The following GLO1 variants were observed in gnomAD, a reference collection of about 807,000 sequenced individuals.
The protein encoded by GLO1 is lactoylglutathione lyase.
GLO1 carries 28 observed loss-of-function variants against 26.0 expected under a neutral mutation model. The ratio of observed to expected loss-of-function variants is 1.08; its 90% confidence interval spans 0.80 to 1.48. The LOEUF (loss-of-function observed/expected upper bound fraction) is 1.48. Ranked by LOEUF, GLO1 falls within the 40% of genes most tolerant of loss-of-function variation. GLO1 has a pLI of 0.00. For synonymous variants in GLO1, 78 were observed against 77.6 expected, an observed-to-expected ratio of 1.00 and a Z score of -0.03; for missense variants, 225 against 224.8, an observed-to-expected ratio of 1.00 and a Z score of -0.01.
At chr6:38,691,142 G>A (rs1390388409) in intron 1 of GLO1, among the ~76,000 whole-genome samples, 1 of 152,014 alleles carries the variant, frequency 6.6e-6, no homozygotes, top group African/African-American at 2.4e-5. Context: ...ATAAAAATAA[G>A]GTGTCTTTTA....
chr6:38,691,400 C>T (rs1292288566), intron 1 of GLO1, among the ~76,000 whole-genome samples: 1 of 151,952 alleles, frequency 6.6e-6, no homozygotes, highest in African/African-American at 2.4e-5. Context: ...CTCCGCCTCC[C>T]GAGCTTCAAG....
intron 3 of GLO1, 60 bp downstream of exon 3, chr6:38,684,314 A>G: frequency 1.1e-6 from 1 of 902,872 alleles, no homozygotes; most frequent in East Asian, 3.4e-5. Context: ...AACAAAAAAG[A>G]TTTTTAAAAA....
chr6:38,677,127 C>G lies in GLO1; in HGVS notation c.*168G>C. ...AAGCACTGCTTGAAAACCAGAATGA[C>G]TGAACAGTTAGGTGAAAAGGAACAG... is the stretch of plus-strand genomic sequence containing the variant. On this transcript the variant is annotated 3_prime_UTR_variant, in exon 6 of 6. Transcript: ENST00000373365. 1.6e-6 allele frequency: 1 copy of G among 627,516 alleles called. No individual in the cohort carries two copies. Among genetic ancestry groups the G allele is most frequent in the Non-Finnish European group, 2.8e-6 (1 of 355,036 alleles). 38.9% of individuals were successfully genotyped at this position (627,516 alleles called of 1,614,324 possible). A position where few individuals can be genotyped will look rare whatever the true frequency, so the allele number is the denominator to read the frequency against.
intron 1 of GLO1, among the ~76,000 whole-genome samples, chr6:38,702,701 T>C (rs1012715637): frequency 2.4e-4 from 37 of 152,068 alleles, no homozygotes; most frequent in African/African-American, 8.7e-4. Context: ...TGACCCTGGG[T>C]TGGCCTGGCT....
In GLO1 at chr6:38,689,706, G is replaced by C. The variant is rs866772868; in HGVS notation, c.85-2732C>G. On this transcript the variant is annotated intron_variant, in intron 1 of 5. Transcript: ENST00000373365. ...TCACGCCTGTAATCCCAGCACTTTG[G>C]GGGGCTGAGACGGGCGGATCACGAG... Among the ~76,000 whole-genome samples the C allele has an allele frequency of 1.4e-4, 22 of 152,246 alleles. No individual in the cohort carries two copies. The South Asian group carries it at 1.7e-3, about 11-fold the overall frequency.
chr6:38,678,378 G>GGA (rs1761302411), intron 5 of GLO1, among the ~76,000 whole-genome samples: 1 of 150,542 alleles, frequency 6.6e-6, no homozygotes, highest in Non-Finnish European at 1.5e-5. Flanking sequence ...GGGAGGGAGA[G>GGA]AGAGGAAGGA....
chr6:38,696,088 T>C (rs1761607368), intron 1 of GLO1, among the ~76,000 whole-genome samples: 1 of 152,210 alleles, frequency 6.6e-6, no homozygotes, highest in Admixed American at 6.5e-5. Flanking sequence ...AAAGTATGTC[T>C]ACTTCATCTT....
chr6:38,698,622 G>T (rs1301498189), intron 1 of GLO1, among the ~76,000 whole-genome samples: 1 of 146,676 alleles, frequency 6.8e-6, no homozygotes, highest in African/African-American at 2.5e-5. Flanking sequence ...AAAAAGAAAA[G>T]ATCTCCAGAT....
At chr6:38,683,748 G>A (rs1259726566) in intron 3 of GLO1, among the ~76,000 whole-genome samples, 4 of 151,934 alleles carry the variant, frequency 2.6e-5, no homozygotes, top group South Asian at 2.1e-4. Context: ...TTAGCTGGGC[G>A]TAGTGGCGGG....
At position 38,688,819 on chromosome 6, in the gene GLO1, A is replaced by C. The variant is rs575929131; in HGVS notation, c.85-1845T>G. On this transcript the variant is annotated intron_variant, in intron 1 of 5. Transcript: ENST00000373365. ...CTAGGTGCTGCTGTGAGAGACTCTG[A>C]GAGGAAATTAAGGTCACTCATCAGT... 7.2e-5 allele frequency among the ~76,000 whole-genome samples: 11 copies of C among 152,346 alleles called. No individual in the cohort carries two copies. In the East Asian group the frequency reaches 1.5e-3, roughly 21 times the overall value.
rs575534415 is a variant in GLO1, at chr6:38,693,655, T to G, written c.85-6681A>C. Among the ~76,000 whole-genome samples, 207 of 127,472 alleles carry G rather than the reference T, an allele frequency of 1.6e-3. 1 individual carries two copies. Among genetic ancestry groups the G allele is most frequent in the African/African-American group, 5.6e-3 (187 of 33,218 alleles). 83.6% of individuals were successfully genotyped at this position (127,472 alleles called of 152,430 possible). A position where few individuals can be genotyped will look rare whatever the true frequency, so the allele number is the denominator to read the frequency against. ...GCTATGATCCCTTTTTCATTTTCAT[T>G]CAGCTCTCTCTCTCTCTCTCTCTCT... On this transcript the variant is annotated intron_variant, in intron 1 of 5. Transcript: ENST00000373365.
At chr6:38,688,915 G>GGA (rs150988604) in intron 1 of GLO1, among the ~76,000 whole-genome samples, 8 of 152,080 alleles carry the variant, frequency 5.3e-5, no homozygotes, top group South Asian at 4.1e-4. Context: ...CTTAAAAGCA[G>GGA]GAGAGAGAGA....
rs1761388699 is a variant in GLO1, at chr6:38,682,056, CT to C, written c.421del (p.Arg141GlyfsTer10). On this transcript the variant is annotated frameshift_variant, in exon 5 of 6. Transcript: ENST00000373365. LOFTEE classifies it high-confidence loss of function. ...AVPDVYSACK[R>X]FEELGVKFVK... ...AAATTTGACTCCCAGTTCTTCAAAC[CT>C]TTTACAAGCACTGTATACATCAGGA... is the stretch of plus-strand genomic sequence containing the variant. 1.3e-6 allele frequency: 2 copies of C among 1,598,328 alleles called. No individual in the cohort carries two copies. The highest frequency in any genetic ancestry group is 1.7e-6 in the Non-Finnish European group (2 of 1,165,716).
intron 1 of GLO1, among the ~76,000 whole-genome samples, chr6:38,689,891 A>G (rs1761508047): frequency 6.6e-6 from 1 of 151,732 alleles, no homozygotes; most frequent in South Asian, 2.1e-4. Flanking sequence ...CAGCAGTGAG[A>G]TCTTGGCTCA....
At chr6:38,700,445 G>A (rs1231602366) in intron 1 of GLO1, among the ~76,000 whole-genome samples, 2 of 152,172 alleles carry the variant, frequency 1.3e-5, no homozygotes, top group African/African-American at 4.8e-5. Context: ...ATATCTTTAT[G>A]CTCCTTCTAC....
intron 5 of GLO1, among the ~76,000 whole-genome samples, chr6:38,681,439 ACT>A (rs1485232249): frequency 6.6e-6 from 1 of 152,018 alleles, no homozygotes; most frequent in Non-Finnish European, 1.5e-5. Context: ...TTAGATTGAG[ACT>A]CTGAAATATT....
chr6:38,701,991 C>A (rs952779116), intron 1 of GLO1, among the ~76,000 whole-genome samples: 13 of 149,252 alleles, frequency 8.7e-5, no homozygotes, highest in Non-Finnish European at 1.9e-4. Context: ...AGTGCAGTGG[C>A]ACGATCTCAG....
intron 1 of GLO1, among the ~76,000 whole-genome samples, chr6:38,695,099 T>C (rs1212895223): frequency 6.6e-6 from 1 of 152,174 alleles, no homozygotes; most frequent in East Asian, 1.9e-4. Flanking sequence ...AGTACTGAAA[T>C]GTTAGGGCTT....
At chr6:38,696,239 A>C (rs1761609779) in intron 1 of GLO1, among the ~76,000 whole-genome samples, 2 of 152,204 alleles carry the variant, frequency 1.3e-5, no homozygotes, top group Non-Finnish European at 2.9e-5. Flanking sequence ...ACGTTGTTTG[A>C]CTTTGTGTTT....
Sources: allele counts gnomAD v4.1 joint callset (sites outside exome capture counted in the v4.1 genomes callset), GRCh38; gene constraint gnomAD v4.1.1; transcripts MANE v1.5; gene names NCBI Gene and HGNC (gene_info 2026-07-23, HGNC 2026-07-21).